The following TMEM255B variants were observed in gnomAD, a reference collection of about 807,000 sequenced individuals.
TMEM255B encodes the protein family with sequence similarity 70, member B.
Under a neutral mutation model 34.5 loss-of-function variants are expected in TMEM255B, and 35 were observed. The ratio of observed to expected loss-of-function variants is 1.01; its 90% CI spans 0.77 to 1.34. TMEM255B has a LOEUF of 1.34. Among genes scored for constraint, TMEM255B ranks in the 40% most tolerant of loss-of-function variants. TMEM255B has a pLI of 0.00. For missense variants in TMEM255B, 432 were observed against 433.2 expected (o/e 1.00, Z 0.02); for synonymous variants, 206 against 201.2 (o/e 1.02, Z -0.20).
intron 3 of TMEM255B, among the ~76,000 whole-genome samples, chr13:113,779,562 A>G (rs1437349250): frequency 2.0e-5 from 3 of 150,044 alleles, no homozygotes; most frequent in African/African-American, 7.4e-5. Flanking sequence ...GGGGCCATAG[A>G]GGGAGCATCT....
At chr13:113,777,732 T>G (rs1338405841) in intron 3 of TMEM255B, among the ~76,000 whole-genome samples, 2 of 152,144 alleles carry the variant, frequency 1.3e-5, no homozygotes, top group African/African-American at 4.8e-5. Flanking sequence ...ATGAGCCGTC[T>G]CCCTAGGTCA....
intron 3 of TMEM255B, among the ~76,000 whole-genome samples, chr13:113,778,243 A>G (rs927109485): frequency 6.6e-6 from 1 of 152,174 alleles, no homozygotes; most frequent in East Asian, 1.9e-4. Context: ...TGAGGGAGGG[A>G]AAGGGGATCT....
In TMEM255B at chr13:113,770,178, C is replaced by T. The variant is rs1171992248; in HGVS notation, c.252+1018C>T. ...GGCTGGGGAAGCCTCACGATCACGGCGGAAGGTAAGGAGGAGCAAGTCCTG... is the reference window on the plus strand; with the variant it reads ...GGCTGGGGAAGCCTCACGATCACGGTGGAAGGTAAGGAGGAGCAAGTCCTG... On this transcript the variant is annotated intron_variant, in intron 3 of 8. Coordinates refer to ENST00000375353, the MANE Select transcript of TMEM255B (RefSeq NM_182614.4). This position sits in a 1 kb window ranked among gnomAD's most constrained non-coding sequence, Gnocchi z 4.6. 3.9e-5 allele frequency among the ~76,000 whole-genome samples: 6 copies of T among 152,152 alleles called. No homozygotes were observed. Among genetic ancestry groups the T allele is most frequent in the South Asian group, 2.1e-4 (1 of 4,824 alleles).
At chr13:113,798,606 G>A (rs2050984937) in intron 4 of TMEM255B, among the ~76,000 whole-genome samples, 1 of 151,552 alleles carries the variant, frequency 6.6e-6, no homozygotes, top group African/African-American at 2.4e-5. Context: ...ATGGATGGAT[G>A]GATGGAAGGA....
chr13:113,802,162 G>A (rs765461118), intron 7 of TMEM255B, among the ~76,000 whole-genome samples: 2 of 152,236 alleles, frequency 1.3e-5, no homozygotes, highest in Non-Finnish European at 2.9e-5. Context: ...GCAGGTCTGG[G>A]CTGGGGCTGA....
intron 4 of TMEM255B, among the ~76,000 whole-genome samples, chr13:113,795,590 C>T (rs974060950): frequency 5.7e-5 from 8 of 140,438 alleles, no homozygotes; most frequent in Non-Finnish European, 1.1e-4. Flanking sequence ...ACAGCACACA[C>T]ACCACAACAG....
intron 7 of TMEM255B, 149 bp downstream of exon 7, chr13:113,801,961 G>A: frequency 2.1e-6 from 2 of 949,046 alleles, no homozygotes; most frequent in Admixed American, 3.0e-5. Flanking sequence ...CAGGGTGACA[G>A]CTGGCGTGCA....
rs1457365552 is a variant in TMEM255B, at chr13:113,815,738, T to TA, written c.*3836dup. 3 of 152,458 alleles carry TA rather than the reference T, an allele frequency of 2.0e-5. No individual in the cohort carries two copies. In the East Asian group the frequency reaches 5.8e-4, roughly 29 times the overall value. The allele number at this position is 152,458 out of a possible 1,614,324, so 9.4% of individuals were successfully genotyped here. A position where few individuals can be genotyped will look rare whatever the true frequency, so the allele number is the denominator to read the frequency against. ...TTTTTCCCAGTCTCGGGTATGTCCTTATTAGCAGTGTGAAAACAGAATACT... is the reference window on the plus strand; with the variant it reads ...TTTTTCCCAGTCTCGGGTATGTCCTTAATTAGCAGTGTGAAAACAGAATACT... On this transcript the variant is annotated 3_prime_UTR_variant, in exon 9 of 9. Transcript: ENST00000375353.
intron 3 of TMEM255B, among the ~76,000 whole-genome samples, chr13:113,774,589 AAC>A (rs1396986389): frequency 7.2e-6 from 1 of 139,774 alleles, no homozygotes; most frequent in Non-Finnish European, 1.6e-5. Flanking sequence ...CACACCACAC[AAC>A]ACACAAATGA....
At position 113,791,378 on chromosome 13, in the gene TMEM255B, C is replaced by T. The variant is rs181176436; in HGVS notation, c.253-3770C>T. On this transcript the variant is annotated intron_variant, in intron 3 of 8. Transcript: ENST00000375353. ...TGCCGGCCGCCGAGCCGGACAGGGA[C>T]GCTGGATCCTCCTGGGATGGCTTCG... Among the ~76,000 whole-genome samples, 755 of 152,338 alleles carry T rather than the reference C, an allele frequency of 5.0e-3. 23 individuals are homozygous for T. The highest frequency in any genetic ancestry group is 0.044 in the Admixed American group (666 of 15,304).
intron 3 of TMEM255B, among the ~76,000 whole-genome samples, chr13:113,771,090 C>T (rs1279621671): frequency 6.6e-6 from 1 of 152,170 alleles, no homozygotes; most frequent in African/African-American, 2.4e-5. Context: ...TGTGAACCAT[C>T]AGCACAGCCA....
chr13:113,759,352 G>A (rs546971917), intron 1 of TMEM255B, 37 bp downstream of exon 1: 3 of 1,228,890 alleles, frequency 2.4e-6, no homozygotes, highest in South Asian at 8.2e-5. Flanking sequence ...CGGCTCCTGC[G>A]GGGGAGCGTG....
intron 4 of TMEM255B, among the ~76,000 whole-genome samples, chr13:113,798,922 A>G (rs1229793121): frequency 6.6e-6 from 1 of 152,138 alleles, no homozygotes; most frequent in African/African-American, 2.4e-5. Flanking sequence ...GGTTGGAGGG[A>G]TGAGTTTATT....
intron 7 of TMEM255B, among the ~76,000 whole-genome samples, chr13:113,803,823 G>A (rs937750205): frequency 3.5e-4 from 21 of 59,160 alleles, no homozygotes; most frequent in South Asian, 3.3e-3. Context: ...TGGGCAGGGG[G>A]CTCCCTCCCA....
chr13:113,768,015 A>G (rs752338851), intron 2 of TMEM255B: 38 of 342,932 alleles, frequency 1.1e-4, no homozygotes, highest in Non-Finnish European at 1.8e-4. Context: ...GTACGTGTCT[A>G]TCACCACAGA....
At chr13:113,774,560 ACAC>A (rs1324667162) in intron 3 of TMEM255B, among the ~76,000 whole-genome samples, 2 of 143,588 alleles carry the variant, frequency 1.4e-5, no homozygotes, top group African/African-American at 2.7e-5. Context: ...CACCACACAC[ACAC>A]AACACACATG....
intron 1 of TMEM255B, among the ~76,000 whole-genome samples, chr13:113,759,682 T>C (rs1393700790): frequency 2.0e-5 from 3 of 152,204 alleles, no homozygotes; most frequent in Non-Finnish European, 2.9e-5. Flanking sequence ...CGCCCCAAAG[T>C]GCGCTCCTTC....
At chr13:113,781,578 G>A (rs2050667146) in intron 3 of TMEM255B, among the ~76,000 whole-genome samples, 2 of 152,212 alleles carry the variant, frequency 1.3e-5, no homozygotes, top group South Asian at 4.1e-4. Flanking sequence ...TTTAAATGAT[G>A]TACTAGGTGT....
At chr13:113,796,002 AAC>A (rs1406721264) in intron 4 of TMEM255B, among the ~76,000 whole-genome samples, 1 of 145,336 alleles carries the variant, frequency 6.9e-6, no homozygotes, top group African/African-American at 2.6e-5. Flanking sequence ...CACAGCACAC[AAC>A]ACACAGAGCA....
Sources: gnomAD v4.1 joint callset for allele counts (sites outside exome capture counted in the v4.1 genomes callset) on GRCh38, gnomAD v4.1.1 for gene constraint, Gnocchi (gnomAD v3.1) non-coding constraint, MANE v1.5 for transcripts, NCBI Gene and HGNC (gene_info 2026-07-23, HGNC 2026-07-21) for gene names.